Variants in SGCD observed in about 807,000 individuals in gnomAD.
SGCD encodes the protein sarcoglycan delta.
Under a neutral mutation model 36.6 loss-of-function variants are expected in SGCD, and 18 were observed. That is an observed-to-expected ratio of 0.49 (90% CI 0.34 to 0.73). The LOEUF (loss-of-function observed/expected upper bound fraction) is 0.73, where lower values mean the gene tolerates loss of function less well. Among genes scored for constraint, SGCD ranks in the 30% least tolerant of loss-of-function variants. The pLI, the probability that SGCD is intolerant of heterozygous loss-of-function variation, is 0.01. For synonymous variants in SGCD, 133 were observed against 130.6 expected, an observed-to-expected ratio of 1.02 and a Z score of -0.12; for missense variants, 387 against 346.7, an observed-to-expected ratio of 1.12 and a Z score of -0.92.
At chr5:156,280,214 C>T (rs1390262977) in intron 3 of SGCD, among the ~76,000 whole-genome samples, 1 of 152,074 alleles carries the variant, frequency 6.6e-6, no homozygotes, top group African/African-American at 2.4e-5. Flanking sequence ...AGTGTCATGC[C>T]TCTAGTTTGC....
At chr5:156,423,956 G>A (rs1002980094) in intron 3 of SGCD, among the ~76,000 whole-genome samples, 3 of 151,892 alleles carry the variant, frequency 2.0e-5, no homozygotes, top group Non-Finnish European at 4.4e-5. Flanking sequence ...ATAGTTTTAG[G>A]GTGAAGTTGA....
At chr5:156,224,818 A>T (rs1486915912) in intron 3 of SGCD, among the ~76,000 whole-genome samples, 1 of 152,160 alleles carries the variant, frequency 6.6e-6, no homozygotes, top group African/African-American at 2.4e-5. Flanking sequence ...TTCATAGGAC[A>T]TGCATTTAGT....
intron 3 of SGCD, among the ~76,000 whole-genome samples, chr5:156,201,471 T>G (rs1764149465): frequency 1.3e-5 from 2 of 152,192 alleles, no homozygotes; most frequent in Non-Finnish European, 2.9e-5. Flanking sequence ...TAACACAATG[T>G]CAAGATGTCT....
the SGCD span, among the ~76,000 whole-genome samples, chr5:155,853,181 T>A: frequency 6.6e-6 from 1 of 152,072 alleles, no homozygotes; most frequent in African/African-American, 2.4e-5. Context: ...AAAATATTAT[T>A]ACTGTTATTT....
intron 1 of SGCD, among the ~76,000 whole-genome samples, chr5:155,926,649 C>T (rs142827992): frequency 8.5e-4 from 129 of 152,122 alleles, no homozygotes; most frequent in African/African-American, 2.8e-3. Context: ...AGATGTTTCT[C>T]GTGAAATTGT....
the SGCD span, among the ~76,000 whole-genome samples, chr5:155,853,976 C>A: frequency 1.3e-5 from 2 of 152,158 alleles, no homozygotes; most frequent in Non-Finnish European, 2.9e-5. Context: ...GGTTACCCAG[C>A]ATTCAAAGCC....
At chr5:156,017,708 A>T (rs897685757) in intron 1 of SGCD, among the ~76,000 whole-genome samples, 4 of 152,136 alleles carry the variant, frequency 2.6e-5, no homozygotes, top group African/African-American at 9.6e-5. Flanking sequence ...TCAAAAATGG[A>T]AATGTTTTTC....
rs952701506 is a variant in SGCD at position 156,700,807 on chromosome 5, G to T, written c.575+53271G>T. ...AAAAATAGAAAATTAGCCAGGTGTA[G>T]TGGCACACCCCTGTGGTCCCAGCTT... is the stretch of plus-strand genomic sequence containing the variant. On this transcript the variant is annotated intron_variant, in intron 7 of 8. Transcript: ENST00000337851. Among the ~76,000 whole-genome samples, 98 of 152,138 alleles carry T rather than the reference G, an allele frequency of 6.4e-4. 1 individual carries two copies. Among genetic ancestry groups the T allele is most frequent in the African/African-American group, 2.2e-3 (90 of 41,506 alleles).
Position 156,611,490 on chromosome 5 carries a change from T to C in SGCD, c.502+16439T>C, listed in dbSNP as rs142386060. Among the ~76,000 whole-genome samples, 182 of 152,348 alleles carry C rather than the reference T, an allele frequency of 1.2e-3. 1 individual carries two copies. The highest frequency in any genetic ancestry group is 4.0e-3 in the African/African-American group (168 of 41,594). On this transcript the variant is annotated intron_variant, in intron 6 of 8. Coordinates refer to ENST00000337851, the MANE Select transcript of SGCD (RefSeq NM_000337.6). Reference sequence around the variant, plus strand: ...AGAAATTTGCTTGTAGTCTATTAGATATTTTCTTATTTATGACTTGACACA... The same window carrying C: ...AGAAATTTGCTTGTAGTCTATTAGACATTTTCTTATTTATGACTTGACACA...
At chr5:156,502,533 C>T (rs1175142645) in intron 3 of SGCD, among the ~76,000 whole-genome samples, 1 of 152,010 alleles carries the variant, frequency 6.6e-6, no homozygotes, top group African/African-American at 2.4e-5. Flanking sequence ...TGGTATCTTG[C>T]TATGCTGCCC....
intron 3 of SGCD, among the ~76,000 whole-genome samples, chr5:156,300,380 C>T (rs1422163474): frequency 6.6e-6 from 1 of 151,984 alleles, no homozygotes; most frequent in Non-Finnish European, 1.5e-5. Flanking sequence ...TTGACCCACT[C>T]ATCATTTAGG....
intron 4 of SGCD, among the ~76,000 whole-genome samples, chr5:156,583,114 A>G (rs1263065918): frequency 6.6e-6 from 1 of 152,212 alleles, no homozygotes; most frequent in Non-Finnish European, 1.5e-5. Context: ...CATTTTCATA[A>G]AGGAGATTTT....
the SGCD span, among the ~76,000 whole-genome samples, chr5:155,865,338 G>T: frequency 6.6e-6 from 1 of 151,962 alleles, no homozygotes; most frequent in East Asian, 1.9e-4. Flanking sequence ...ATCTGACTTA[G>T]AAAATATCTA....
chr5:155,912,132 T>C (rs1756642420), intron 1 of SGCD, among the ~76,000 whole-genome samples: 1 of 152,064 alleles, frequency 6.6e-6, no homozygotes, highest in Admixed American at 6.6e-5. Context: ...TTCTGGAATT[T>C]CACAATGAAT....
intron 1 of SGCD, among the ~76,000 whole-genome samples, chr5:156,040,215 T>G (rs1435784748): frequency 6.6e-6 from 1 of 152,164 alleles, no homozygotes; most frequent in East Asian, 1.9e-4. Flanking sequence ...AGCAGACCAT[T>G]TGCTAGATAA....
chr5:156,545,729 G>C (rs1221243689), intron 4 of SGCD, among the ~76,000 whole-genome samples: 1 of 152,154 alleles, frequency 6.6e-6, no homozygotes, highest in Non-Finnish European at 1.5e-5. Context: ...CCCGTCTTCG[G>C]CCTGGGGGTT....
chr5:156,646,888 A>G (rs1763247145), intron 6 of SGCD, among the ~76,000 whole-genome samples: 1 of 152,204 alleles, frequency 6.6e-6, no homozygotes, highest in Non-Finnish European at 1.5e-5. Flanking sequence ...TTTGGGATCA[A>G]TGTTAATACT....
At chr5:156,565,456 A>G (rs1008558358) in intron 4 of SGCD, among the ~76,000 whole-genome samples, 1 of 152,192 alleles carries the variant, frequency 6.6e-6, no homozygotes, top group African/African-American at 2.4e-5. Flanking sequence ...ATGCCTATTG[A>G]CCAAATTACA....
At chr5:155,810,258 G>C in the SGCD span, among the ~76,000 whole-genome samples, 2 of 151,922 alleles carry the variant, frequency 1.3e-5, no homozygotes, top group African/African-American at 4.8e-5. Context: ...TTTATTTCTT[G>C]TCAGATGGTC....
Sources: allele counts gnomAD v4.1 joint callset (sites outside exome capture counted in the v4.1 genomes callset), GRCh38; gene constraint gnomAD v4.1.1; transcripts MANE v1.5; gene names NCBI Gene and HGNC (gene_info 2026-07-23, HGNC 2026-07-21).